The following USP44 variants were observed in gnomAD, a reference collection of about 807,000 sequenced individuals.
USP44 encodes the protein ubiquitin specific peptidase 44, also known as ubiquitin carboxyl-terminal hydrolase 44.
In USP44, 61 loss-of-function variants were observed where a neutral mutation model predicts 69.0. The ratio of observed to expected loss-of-function variants is 0.88; its 90% CI spans 0.72 to 1.09. USP44 has a LOEUF of 1.09. USP44 is among the 50% of genes least tolerant of loss of function. The probability of loss-of-function intolerance (pLI) is 0.00; values close to 1 mark genes in which losing one functional copy is unlikely to be tolerated. For missense variants in USP44, 753 were observed against 849.9 expected, an observed-to-expected ratio of 0.89 and a Z score of 1.42; for synonymous variants, 297 against 295.4, an observed-to-expected ratio of 1.01 and a Z score of -0.06.
Position 95,534,103 on chromosome 12 carries a change from A to G in USP44, c.154T>C (p.Tyr52His). Residue 52 changes from tyrosine to histidine, a missense_variant, in exon 2 of 6, where the codon TAT (tyrosine) becomes CAT (histidine). Coordinates refer to ENST00000258499, the MANE Select transcript of USP44 (RefSeq NM_032147.5). ...TGCTTGAGTGCATGCTCTTCAATAT[A>G]TCTTCCACAGGCAACATGGGAGCAG... ...LSCSHVACGR[Y>H]IEEHALKHFQ... 1 of 1,614,182 alleles carries G rather than the reference A, an allele frequency of 6.2e-7. No individual in the cohort carries two copies. The highest frequency in any genetic ancestry group is 8.5e-7 in the Non-Finnish European group (1 of 1,180,038).
chr12:95,531,149 G>A (rs952799298), intron 2 of USP44, among the ~76,000 whole-genome samples: 15 of 151,854 alleles, frequency 9.9e-5, no homozygotes, highest in African/African-American at 3.4e-4. Context: ...GGGCAACAGA[G>A]TGAGACTCTG....
chr12:95,541,095 T>C (rs974001336), intron 1 of USP44, among the ~76,000 whole-genome samples: 1 of 152,028 alleles, frequency 6.6e-6, no homozygotes, highest in Non-Finnish European at 1.5e-5. Flanking sequence ...CTGGTCAACA[T>C]GGTGAAACCC....
intron 4 of USP44, among the ~76,000 whole-genome samples, chr12:95,524,339 C>T (rs1299679692): frequency 6.6e-6 from 1 of 151,310 alleles, no homozygotes; most frequent in African/African-American, 2.4e-5. Flanking sequence ...GCCTCGGCCT[C>T]CCAAAGTGCT....
intron 1 of USP44, among the ~76,000 whole-genome samples, chr12:95,550,867 A>G (rs981188823): frequency 6.6e-6 from 1 of 152,220 alleles, no homozygotes; most frequent in Non-Finnish European, 1.5e-5. Context: ...CCTTAATACA[A>G]TGATGTAAGC....
At chr12:95,543,966 C>CAAA (rs760105964) in intron 1 of USP44, among the ~76,000 whole-genome samples, 28 of 47,660 alleles carry the variant, frequency 5.9e-4, no homozygotes, top group Non-Finnish European at 8.4e-4. Context: ...GACTGCATCT[C>CAAA]AAAAAAAAAA....
intron 2 of USP44, among the ~76,000 whole-genome samples, chr12:95,531,593 C>T (rs1162582718): frequency 1.3e-5 from 2 of 152,128 alleles, no homozygotes; most frequent in Non-Finnish European, 2.9e-5. Context: ...AATTGCAGTA[C>T]AATTCTTATT....
intron 2 of USP44, among the ~76,000 whole-genome samples, chr12:95,529,519 G>T (rs1386573629): frequency 6.6e-6 from 1 of 151,930 alleles, no homozygotes; most frequent in African/African-American, 2.4e-5. Flanking sequence ...TGGCTCTTAG[G>T]TTCCAGCGAT....
chr12:95,531,766 C>G (rs999239534), intron 2 of USP44, among the ~76,000 whole-genome samples: 2 of 152,066 alleles, frequency 1.3e-5, no homozygotes, highest in Non-Finnish European at 2.9e-5. Flanking sequence ...AACTGAAGAA[C>G]AGAGGCAGGT....
In USP44 at chr12:95,533,959, G is replaced by T. The variant is rs187355417; in HGVS notation, c.298C>A (p.Arg100Ser). The change falls in exon 2 of 6, where the codon CGT becomes AGT. Residue 100 changes from arginine (R) to serine (S), a missense_variant. Arg to Ser is a moderately radical substitution (Grantham distance 110). Coordinates refer to ENST00000258499, the MANE Select transcript of USP44 (RefSeq NM_032147.5). ...NTTGDLKLLR[R>S]TLSAIKSQNY... Reference sequence around the variant, plus strand: ...TGACTTTTGATGGCACTTAATGTACGTCGTAGTAACTTCAGGTCTCCAGTT... The same window carrying T: ...TGACTTTTGATGGCACTTAATGTACTTCGTAGTAACTTCAGGTCTCCAGTT... 8.1e-6 allele frequency: 13 copies of T among 1,614,124 alleles called. No homozygotes were observed. Among genetic ancestry groups the T allele is most frequent in the Non-Finnish European group, 1.1e-5 (13 of 1,180,020 alleles).
At chr12:95,523,335 G>C (rs540645614) in intron 4 of USP44, among the ~76,000 whole-genome samples, 3 of 152,064 alleles carry the variant, frequency 2.0e-5, no homozygotes, top group African/African-American at 7.2e-5. Context: ...CTGAAGTGGG[G>C]GTCAGTCTTG....
Position 95,517,994 on chromosome 12 carries a change from T to C in USP44, c.*160A>G. The C allele has an allele frequency of 3.1e-6, 2 of 647,498 alleles. No individual in the cohort carries two copies. The highest frequency in any genetic ancestry group is 6.0e-5 in the South Asian group (2 of 33,132). 40.1% of individuals were successfully genotyped at this position (647,498 alleles called of 1,614,324 possible). On this transcript the variant is annotated 3_prime_UTR_variant, in exon 6 of 6. Transcript: ENST00000258499. The stretch of plus-strand genomic sequence containing the variant: ...GAAAAAAGTAGTTACCTTCAGTTGA[T>C]ATATACATTTATACTTTGTAAAAAA...
At chr12:95,547,535 G>T (rs2077612150) in intron 1 of USP44, among the ~76,000 whole-genome samples, 1 of 152,178 alleles carries the variant, frequency 6.6e-6, no homozygotes, top group African/African-American at 2.4e-5. Context: ...CTCTAAGCAT[G>T]TGCTTAACTT....
chr12:95,520,509 TG>T (rs987688503), intron 5 of USP44, among the ~76,000 whole-genome samples: 1 of 151,588 alleles, frequency 6.6e-6, no homozygotes. Context: ...AAAAAGGTGT[TG>T]GGGGGAGTAA....
At chr12:95,526,517 A>T (rs976074649) in intron 3 of USP44, among the ~76,000 whole-genome samples, 10 of 152,174 alleles carry the variant, frequency 6.6e-5, no homozygotes, top group Admixed American at 5.2e-4. Flanking sequence ...GCTTGCAGTG[A>T]GCCGAGACTG....
intron 5 of USP44, among the ~76,000 whole-genome samples, chr12:95,520,249 T>G (rs1313964843): frequency 6.6e-6 from 1 of 151,662 alleles, no homozygotes; most frequent in Non-Finnish European, 1.5e-5. Flanking sequence ...TCCCACCACT[T>G]TGGGAGGCCG....
At chr12:95,542,209 T>A (rs2077412057) in intron 1 of USP44, among the ~76,000 whole-genome samples, 1 of 152,174 alleles carries the variant, frequency 6.6e-6, no homozygotes, top group African/African-American at 2.4e-5. Flanking sequence ...GACTTTGGAT[T>A]GTGCTAACAT....
At chr12:95,534,442 T>C (rs144896010) in intron 1 of USP44, 116 bp from the exon 2 acceptor site, 10 of 564,066 alleles carry the variant, frequency 1.8e-5, no homozygotes, top group African/African-American at 1.1e-4. Context: ...CTTATCATAA[T>C]ACCATTGGCA....
At chr12:95,523,113 C>G (rs1040003371) in intron 4 of USP44, among the ~76,000 whole-genome samples, 6 of 152,178 alleles carry the variant, frequency 3.9e-5, no homozygotes, top group Non-Finnish European at 8.8e-5. Flanking sequence ...TTCCCACAAG[C>G]CATGCCCTAC....
Position 95,519,590 on chromosome 12 carries a change from G to A in USP44, c.1940-1237C>T, listed in dbSNP as rs866655793. Among the ~76,000 whole-genome samples, 198 of 150,360 alleles carry A rather than the reference G, an allele frequency of 1.3e-3. 1 individual carries two copies. The highest frequency in any genetic ancestry group is 4.4e-3 in the African/African-American group (181 of 41,064). ...CGAGTAGCTGGGACTACAGGCACCC[G>A]CCACCACGCCCGGCTAATTTTTTTT... On this transcript the variant is annotated intron_variant, in intron 5 of 5. Transcript: ENST00000258499.
Sources: allele counts gnomAD v4.1 joint callset (sites outside exome capture counted in the v4.1 genomes callset), GRCh38; gene constraint gnomAD v4.1.1; transcripts MANE v1.5; gene names NCBI Gene and HGNC (gene_info 2026-07-23, HGNC 2026-07-21).